FNDC3B: variants seen among roughly 807,000 people sequenced by gnomAD.
The protein encoded by FNDC3B is fibronectin type III domain-containing protein 3B.
A neutral mutation model predicts 151.5 loss-of-function variants in FNDC3B; 12 were observed. The observed-to-expected ratio is 0.08, with a 90% CI of 0.05 to 0.13. The LOEUF is 0.13. Among genes scored for constraint, FNDC3B ranks in the 10% least tolerant of loss-of-function variants. FNDC3B has a pLI of 1.00. For missense variants in FNDC3B, 1,214 were observed against 1,505.3 expected (o/e 0.81, Z 3.20); for synonymous variants, 528 against 549.0 (o/e 0.96, Z 0.54).
chr3:172,127,012 C>T (rs1173854758), intron 2 of FNDC3B: 2 of 456,630 alleles, frequency 4.4e-6, no homozygotes, highest in South Asian at 3.1e-5. Flanking sequence ...GAGGTGAGCC[C>T]TTAAGGAGAG....
chr3:172,098,180 T>C (rs1003818264), intron 1 of FNDC3B, among the ~76,000 whole-genome samples: 2 of 152,178 alleles, frequency 1.3e-5, no homozygotes, highest in African/African-American at 4.8e-5. Flanking sequence ...ATCAACACAT[T>C]TTTTTAAAGA....
chr3:172,245,359 AG>A (rs1490660571), intron 4 of FNDC3B, among the ~76,000 whole-genome samples: 3 of 152,236 alleles, frequency 2.0e-5, no homozygotes, highest in Admixed American at 2.0e-4. Flanking sequence ...ACTGAATGAA[AG>A]AATAAAGATT....
chr3:172,222,845 G>A (rs1726357218), intron 3 of FNDC3B, among the ~76,000 whole-genome samples: 1 of 152,168 alleles, frequency 6.6e-6, no homozygotes, highest in African/African-American at 2.4e-5. Flanking sequence ...CTGGTAGCAG[G>A]GAAGAAACAG....
chr3:172,203,038 G>GT (rs1310840924), intron 3 of FNDC3B, among the ~76,000 whole-genome samples: 1 of 152,072 alleles, frequency 6.6e-6, no homozygotes, highest in African/African-American at 2.4e-5. Context: ...GTTTTCCTGA[G>GT]TGTTTGTCCT....
Position 172,131,666 on chromosome 3 carries a change from A to C in FNDC3B, c.112-1805A>C, listed in dbSNP as rs1049245671. ...CAGGTAATGTATTTTCTGATTTAAA[A>C]AAATTTAGTATTCCAGCAGTATCAT... is the stretch of plus-strand genomic sequence containing the variant. On this transcript the variant is annotated intron_variant, in intron 2 of 25. Coordinates refer to ENST00000415807, the MANE Select transcript of FNDC3B (RefSeq NM_022763.4). 2.0e-5 allele frequency among the ~76,000 whole-genome samples: 3 copies of C among 152,370 alleles called. No homozygotes were observed. The East Asian group carries it at 5.8e-4, about 29-fold the overall frequency.
chr3:172,381,694 C>T (rs997518513), intron 25 of FNDC3B, among the ~76,000 whole-genome samples: 1 of 150,810 alleles, frequency 6.6e-6, no homozygotes, highest in African/African-American at 2.4e-5. Flanking sequence ...TTGTTCAACT[C>T]CCACTTATGA....
At chr3:172,353,716 C>T (rs557394613) in intron 22 of FNDC3B, among the ~76,000 whole-genome samples, 1 of 152,118 alleles carries the variant, frequency 6.6e-6, no homozygotes, top group Non-Finnish European at 1.5e-5. Context: ...AGTGTAGGAA[C>T]TATGGAAAGG....
chr3:172,263,135 C>T (rs1444988928), intron 6 of FNDC3B, among the ~76,000 whole-genome samples: 2 of 150,608 alleles, frequency 1.3e-5, no homozygotes, highest in Admixed American at 6.6e-5. Context: ...ATAATCAACT[C>T]TTGCTTTCTA....
intron 1 of FNDC3B, among the ~76,000 whole-genome samples, chr3:172,054,097 G>A (rs1203280186): frequency 6.6e-6 from 1 of 152,172 alleles, no homozygotes; most frequent in African/African-American, 2.4e-5. Flanking sequence ...GTTAATAAGA[G>A]TAAGATGCTG....
chr3:172,228,747 G>C (rs1268554370), intron 4 of FNDC3B, among the ~76,000 whole-genome samples: 1 of 152,158 alleles, frequency 6.6e-6, no homozygotes, highest in Non-Finnish European at 1.5e-5. Context: ...AATTGAAAAA[G>C]GGAAAGAAGC....
intron 1 of FNDC3B, among the ~76,000 whole-genome samples, chr3:172,044,154 G>T (rs149374151): frequency 6.6e-6 from 1 of 152,278 alleles, no homozygotes; most frequent in Middle Eastern, 3.4e-3. Flanking sequence ...AGATCTGTCC[G>T]ATGGCAGATG....
At chr3:172,142,001 A>G (rs1356358148) in intron 3 of FNDC3B, among the ~76,000 whole-genome samples, 1 of 152,226 alleles carries the variant, frequency 6.6e-6, no homozygotes, top group African/African-American at 2.4e-5. Flanking sequence ...TCCCCTGCAC[A>G]TTAGATGTAT....
intron 3 of FNDC3B, among the ~76,000 whole-genome samples, chr3:172,136,833 C>T (rs1455260981): frequency 6.6e-6 from 1 of 152,162 alleles, no homozygotes; most frequent in African/African-American, 2.4e-5. Flanking sequence ...GACTCTCCTG[C>T]CTAAGCCTCC....
chr3:172,321,270 A>T (rs1215652202), intron 11 of FNDC3B, among the ~76,000 whole-genome samples: 1 of 152,222 alleles, frequency 6.6e-6, no homozygotes, highest in Non-Finnish European at 1.5e-5. Flanking sequence ...GAGTTCTCTA[A>T]GTTTGGGATA....
chr3:172,215,598 C>T (rs929390679), intron 3 of FNDC3B, among the ~76,000 whole-genome samples: 3 of 152,158 alleles, frequency 2.0e-5, no homozygotes, highest in South Asian at 2.1e-4. Context: ...GTGGCAGACA[C>T]CTGTAATCCC....
chr3:172,372,982 T>C (rs891651434), intron 23 of FNDC3B, among the ~76,000 whole-genome samples: 2 of 152,218 alleles, frequency 1.3e-5, no homozygotes, highest in African/African-American at 4.8e-5. Flanking sequence ...GCACAGGTCT[T>C]CCTGGGTCCA....
intron 3 of FNDC3B, among the ~76,000 whole-genome samples, chr3:172,187,742 A>G (rs925599248): frequency 3.3e-5 from 5 of 151,870 alleles, no homozygotes; most frequent in South Asian, 2.1e-4. Context: ...TGTTCCTCCC[A>G]TCTCATTGTC....
At chr3:172,173,026 G>A (rs1376052541) in intron 3 of FNDC3B, among the ~76,000 whole-genome samples, 3 of 152,130 alleles carry the variant, frequency 2.0e-5, no homozygotes, top group African/African-American at 7.2e-5. Flanking sequence ...TTAGTGTGTT[G>A]TGAGAAAATT....
chr3:172,241,920 A>T (rs151094372), intron 4 of FNDC3B, among the ~76,000 whole-genome samples: 1 of 152,250 alleles, frequency 6.6e-6, no homozygotes, highest in Non-Finnish European at 1.5e-5. Flanking sequence ...CTATCTGCCT[A>T]TAAGCCTATA....
Sources: allele counts gnomAD v4.1 joint callset (sites outside exome capture counted in the v4.1 genomes callset), GRCh38; gene constraint gnomAD v4.1.1; transcripts MANE v1.5; gene names NCBI Gene and HGNC (gene_info 2026-07-23, HGNC 2026-07-21).